Variants in DNAJC8 observed in about 807,000 individuals in gnomAD.
The protein encoded by DNAJC8 is dnaJ homolog subfamily C member 8.
Under a neutral mutation model 43.2 loss-of-function variants are expected in DNAJC8, and 24 were observed. The observed-to-expected ratio is 0.56, with a 90% CI of 0.40 to 0.78. The LOEUF (loss-of-function observed/expected upper bound fraction) is 0.78, where lower values mean the gene tolerates loss of function less well. Ranked by LOEUF, DNAJC8 falls within the 30% of genes least tolerant of loss-of-function variation. The probability of loss-of-function intolerance (pLI) is 0.00; values close to 1 mark genes in which losing one functional copy is unlikely to be tolerated. For synonymous variants in DNAJC8, 83 were observed against 98.0 expected, an observed-to-expected ratio of 0.85 and a Z score of 0.90; for missense variants, 207 against 299.4, an observed-to-expected ratio of 0.69 and a Z score of 2.28.
chr1:28,215,209 T>C (rs1201359525), intron 2 of DNAJC8, among the ~76,000 whole-genome samples: 1 of 152,162 alleles, frequency 6.6e-6, no homozygotes, highest in African/African-American at 2.4e-5. Context: ...GGTACTCAAA[T>C]AACATAATGC....
rs776938007 is a variant in DNAJC8 at position 28,232,994 on chromosome 1, G to T, written c.5C>A (p.Ala2Glu). 2.9e-5 allele frequency: 47 copies of T among 1,611,792 alleles called. No individual in the cohort carries two copies. The South Asian group carries it at 5.1e-4, about 17-fold the overall frequency. M[A>E]ASGESGTSGG... ...TGAAGTCCCGCTCTCTCCTGAAGCC[G>T]CCATTTCCCCGGCCCAGCCACCACG... The change falls in exon 1 of 9, where the codon GCG (alanine) becomes GAG (glutamate). Residue 2 changes from alanine to glutamate, a missense_variant. By Grantham distance (107) the Ala-to-Glu change is moderately radical. Coordinates refer to ENST00000263697, the MANE Select transcript of DNAJC8 (RefSeq NM_014280.3).
chr1:28,216,248 C>T (rs1646853814), intron 2 of DNAJC8, among the ~76,000 whole-genome samples: 1 of 152,126 alleles, frequency 6.6e-6, no homozygotes, highest in South Asian at 2.1e-4. Flanking sequence ...AGTCAGTGCG[C>T]CCCACTCTCA....
chr1:28,207,332 C>T (rs1383127920), intron 6 of DNAJC8, among the ~76,000 whole-genome samples: 2 of 151,996 alleles, frequency 1.3e-5, no homozygotes, highest in African/African-American at 2.4e-5. Context: ...GAGCTGAGAT[C>T]GCACCACTGC....
At chr1:28,220,775 A>G (rs886620605) in intron 2 of DNAJC8, among the ~76,000 whole-genome samples, 2 of 152,182 alleles carry the variant, frequency 1.3e-5, no homozygotes, top group Admixed American at 1.3e-4. Flanking sequence ...TAGATAAGGG[A>G]GAGACAAGTA....
chr1:28,209,846 G>T, intron 5 of DNAJC8, 126 bp downstream of exon 5: 1 of 757,342 alleles, frequency 1.3e-6, no homozygotes, highest in South Asian at 1.7e-5. Flanking sequence ...CAGCAAAGTG[G>T]TAGAGAGCAC....
At chr1:28,206,515 G>A (rs1358899825) in intron 6 of DNAJC8, among the ~76,000 whole-genome samples, 1 of 152,162 alleles carries the variant, frequency 6.6e-6, no homozygotes, top group Non-Finnish European at 1.5e-5. Flanking sequence ...CAGCCGGGGT[G>A]ACAAAGGGAG....
Position 28,200,403 on chromosome 1 carries a change from G to A in DNAJC8, c.*845C>T. Reference sequence around the variant, plus strand: ...ACCTTGTATATGCCATGGCAAATCTGCCCTAAAAGCTGCTGCAGTAATTCA... The same window carrying A: ...ACCTTGTATATGCCATGGCAAATCTACCCTAAAAGCTGCTGCAGTAATTCA... On this transcript the variant is annotated 3_prime_UTR_variant, in exon 9 of 9. Transcript: ENST00000263697. The A allele has an allele frequency of 1.3e-5, 6 of 447,780 alleles. No homozygotes were observed. Among genetic ancestry groups the A allele is most frequent in the South Asian group, 9.5e-5 (6 of 63,474 alleles). 27.7% of individuals were successfully genotyped at this position (447,780 alleles called of 1,614,324 possible).
chr1:28,204,665 G>A (rs931942503), intron 7 of DNAJC8, among the ~76,000 whole-genome samples: 30 of 152,170 alleles, frequency 2.0e-4, no homozygotes, highest in African/African-American at 6.8e-4. Flanking sequence ...CAGTAACAAT[G>A]GCCTTAATAA....
Position 28,210,595 on chromosome 1 carries a change from C to A in DNAJC8, c.280G>T (p.Asp94Tyr). The A allele has an allele frequency of 1.2e-6, 2 of 1,613,934 alleles. No individual in the cohort carries two copies. Among genetic ancestry groups the A allele is most frequent in the South Asian group, 1.1e-5 (1 of 91,052 alleles). Residue 94 changes from aspartate to tyrosine, a missense_variant, in exon 4 of 9, where the codon GAC (aspartate) becomes TAC (tyrosine). Coordinates refer to ENST00000263697, the MANE Select transcript of DNAJC8 (RefSeq NM_014280.3). Reference protein sequence around the residue: ...VHPDKNQDDADRAQKAFEAVD... With the variant: ...VHPDKNQDDAYRAQKAFEAVD... ...CCTTCAAAAGCCTTTTGTGCTCTGT[C>A]AGCATCATCTTGATTTTTGTCAGGA...
intron 2 of DNAJC8, among the ~76,000 whole-genome samples, chr1:28,216,494 A>G (rs562278371): frequency 2.0e-5 from 3 of 152,336 alleles, no homozygotes; most frequent in Admixed American, 2.0e-4. Flanking sequence ...CTCTGATAAG[A>G]TTATAGCTTA....
At chr1:28,205,419 T>C in intron 6 of DNAJC8, 70 bp from the exon 7 acceptor site, 2 of 1,152,626 alleles carry the variant, frequency 1.7e-6, no homozygotes, top group Non-Finnish European at 2.6e-6. Flanking sequence ...CCATGTACTT[T>C]CACCTGGAGT....
intron 6 of DNAJC8, among the ~76,000 whole-genome samples, chr1:28,206,111 G>C (rs6683560): frequency 0.042 from 6,426 of 152,198 alleles, 200 homozygotes; most frequent in Middle Eastern, 0.092. Context: ...AGGATCGCTT[G>C]AGCTCAGGAG....
At position 28,210,606 on chromosome 1, in the gene DNAJC8, T is replaced by A. The variant is rs1646804073; in HGVS notation, c.269A>T (p.Gln90Leu). The A allele has an allele frequency of 6.2e-7, 1 of 1,613,890 alleles. No individual in the cohort carries two copies. Among genetic ancestry groups the A allele is most frequent in the Admixed American group, 1.7e-5 (1 of 59,980 alleles). ...CTTTTGTGCTCTGTCAGCATCATCTTGATTTTTGTCAGGATGCACCAAGAT... is the reference window on the plus strand; with the variant it reads ...CTTTTGTGCTCTGTCAGCATCATCTAGATTTTTGTCAGGATGCACCAAGAT... ...LSILVHPDKN[Q>L]DDADRAQKAF... The change falls in exon 4 of 9, where the codon CAA (glutamine) becomes CTA (leucine). Residue 90 changes from glutamine to leucine, a missense_variant. Gln to Leu is a moderately radical substitution (Grantham distance 113). Transcript: ENST00000263697.
intron 1 of DNAJC8, among the ~76,000 whole-genome samples, chr1:28,229,376 G>A (rs1196391835): frequency 6.6e-6 from 1 of 152,018 alleles, no homozygotes; most frequent in Non-Finnish European, 1.5e-5. Flanking sequence ...GGCATCAAGA[G>A]GATTCAAAGA....
chr1:28,220,672 T>C (rs1646892560), intron 2 of DNAJC8, among the ~76,000 whole-genome samples: 1 of 152,172 alleles, frequency 6.6e-6, no homozygotes, highest in Non-Finnish European at 1.5e-5. Context: ...AGCTGTTGCA[T>C]TGGGATTAAA....
At chr1:28,220,772 G>A (rs1463335927) in intron 2 of DNAJC8, among the ~76,000 whole-genome samples, 2 of 152,152 alleles carry the variant, frequency 1.3e-5, no homozygotes, top group African/African-American at 4.8e-5. Flanking sequence ...CAGTAGATAA[G>A]GGAGAGACAA....
intron 1 of DNAJC8, among the ~76,000 whole-genome samples, chr1:28,229,497 G>A (rs1212764357): frequency 2.0e-5 from 3 of 152,162 alleles, no homozygotes; most frequent in Non-Finnish European, 4.4e-5. Context: ...AAATAGGCTG[G>A]GCACAGTGGC....
At chr1:28,210,317 T>C (rs1231436543) in intron 4 of DNAJC8, 1 of 560,834 alleles carries the variant, frequency 1.8e-6, no homozygotes. Flanking sequence ...AAATTCTTTA[T>C]GTTCAAAGAA....
At chr1:28,215,567 C>T (rs1400972155) in intron 2 of DNAJC8, among the ~76,000 whole-genome samples, 2 of 151,408 alleles carry the variant, frequency 1.3e-5, no homozygotes, top group South Asian at 2.1e-4. Flanking sequence ...GATGGAGTCT[C>T]GCTCTTATTG....
Sources: allele counts gnomAD v4.1 joint callset (sites outside exome capture counted in the v4.1 genomes callset), GRCh38; gene constraint gnomAD v4.1.1; transcripts MANE v1.5; gene names NCBI Gene and HGNC (gene_info 2026-07-23, HGNC 2026-07-21).